FHOD3: variants seen among roughly 807,000 people sequenced by gnomAD.
FHOD3 encodes the protein formin homology 2 domain containing 3.
FHOD3 carries 90 observed loss-of-function variants against 173.0 expected under a neutral mutation model. That is an observed-to-expected ratio of 0.52 (90% CI 0.44 to 0.62). The LOEUF (loss-of-function observed/expected upper bound fraction) is 0.62. FHOD3 is among the 20% of genes least tolerant of loss of function. The pLI is 0.00. For missense variants in FHOD3, 1,945 were observed against 2,034.7 expected, an observed-to-expected ratio of 0.96 and a Z score of 0.85; for synonymous variants, 828 against 823.0, an observed-to-expected ratio of 1.01 and a Z score of -0.10.
chr18:36,490,366 T>C (rs1027810052), intron 3 of FHOD3, among the ~76,000 whole-genome samples: 2 of 151,984 alleles, frequency 1.3e-5, no homozygotes, highest in African/African-American at 4.8e-5. Context: ...GAGGGAAAAA[T>C]AGTGTCCTAT....
chr18:36,601,767 A>T (rs1417303078), intron 7 of FHOD3, among the ~76,000 whole-genome samples: 1 of 152,254 alleles, frequency 6.6e-6, no homozygotes, highest in Non-Finnish European at 1.5e-5. Context: ...AGCCAAGAGC[A>T]AGGCAATTCT....
rs371913817 is a variant in FHOD3, at chr18:36,468,892, C to T, written c.338-33040C>T. On this transcript the variant is annotated intron_variant, in intron 3 of 28. Coordinates refer to ENST00000590592, the MANE Select transcript of FHOD3 (RefSeq NM_001281740.3). ...AATCCCACCGACAGACACTGAGAAC[C>T]TTTGAGGCGGCAGGTCTGGAAAATA... Among the ~76,000 whole-genome samples, 34 of 152,254 alleles carry T rather than the reference C, an allele frequency of 2.2e-4. No homozygotes were observed. In the South Asian group the frequency reaches 6.6e-3, roughly 30 times the overall value.
At chr18:36,611,903 A>C (rs780237529) in intron 8 of FHOD3, 49 bp from the exon 9 acceptor site, 1 of 1,567,638 alleles carries the variant, frequency 6.4e-7, no homozygotes, top group Admixed American at 1.9e-5. Flanking sequence ...TGAGAGCCTC[A>C]AGGCAGTCTT....
At chr18:36,303,144 C>T (rs968553068) in intron 1 of FHOD3, among the ~76,000 whole-genome samples, 2 of 152,182 alleles carry the variant, frequency 1.3e-5, no homozygotes, top group African/African-American at 4.8e-5. Flanking sequence ...TATTTATCCT[C>T]ACAACAACTC....
At chr18:36,775,725 C>T (rs1242921158) in intron 28 of FHOD3, among the ~76,000 whole-genome samples, 1 of 152,098 alleles carries the variant, frequency 6.6e-6, no homozygotes. Context: ...TTTCCTGAGT[C>T]CCCAGACAGT....
chr18:36,615,331 T>C (rs2033099470), intron 9 of FHOD3, among the ~76,000 whole-genome samples: 1 of 152,124 alleles, frequency 6.6e-6, no homozygotes, highest in Non-Finnish European at 1.5e-5. Flanking sequence ...TTTCCACTTA[T>C]AAAGATAATA....
chr18:36,512,583 A>G (rs920439829), intron 5 of FHOD3, 40 bp downstream of exon 5: 1 of 1,429,724 alleles, frequency 7.0e-7, no homozygotes, highest in Admixed American at 1.7e-5. Flanking sequence ...CCCCAGCTGC[A>G]GGGGGGATCT....
chr18:36,657,933 AGGTAGAATTACCACTAACAGT>A (rs1249381942), intron 13 of FHOD3, 121 bp from the exon 14 acceptor site: 1 of 585,088 alleles, frequency 1.7e-6, no homozygotes, highest in Non-Finnish European at 2.9e-6. Context: ...AAACCTCTTT[AGGTAGAATTACCACTAACAGT>A]GGTAGCATTT....
intron 3 of FHOD3, among the ~76,000 whole-genome samples, chr18:36,464,368 T>C (rs2052776783): frequency 6.6e-6 from 1 of 152,214 alleles, no homozygotes; most frequent in Non-Finnish European, 1.5e-5. Context: ...CAGAAAATGC[T>C]TACTGCTATT....
chr18:36,615,119 G>A (rs927075604), intron 9 of FHOD3, among the ~76,000 whole-genome samples: 12 of 151,998 alleles, frequency 7.9e-5, no homozygotes, highest in African/African-American at 2.7e-4. Context: ...CAAAGTGTTG[G>A]GATTAAGGGC....
chr18:36,538,601 A>G (rs1317240063), intron 5 of FHOD3, among the ~76,000 whole-genome samples: 1 of 152,234 alleles, frequency 6.6e-6, no homozygotes, highest in Admixed American at 6.5e-5. Flanking sequence ...GTTAGACTGC[A>G]GTACATCCAT....
Position 36,502,015 on chromosome 18 carries a change from A to T in FHOD3, c.405+16A>T, listed in dbSNP as rs772480009. 8.3e-6 allele frequency: 13 copies of T among 1,562,088 alleles called. No homozygotes were observed. Among genetic ancestry groups the T allele is most frequent in the African/African-American group, 6.8e-5 (5 of 73,520 alleles). On this transcript the variant is annotated intron_variant, in intron 4 of 28. Transcript: ENST00000590592. ...GATATTTCAGGTAAATAGGAAAAAA[A>T]TAAGTACTTACCTGTTTTTACATTG...
intron 11 of FHOD3, among the ~76,000 whole-genome samples, chr18:36,649,802 C>A (rs959347607): frequency 2.6e-5 from 4 of 152,168 alleles, no homozygotes; most frequent in Admixed American, 6.5e-5. Flanking sequence ...CCTGATTTTA[C>A]CAGCACAATA....
chr18:36,372,752 A>G lies in FHOD3; in HGVS notation c.337+8A>G, dbSNP rs1336242533. 4 of 1,612,828 alleles carry G rather than the reference A, an allele frequency of 2.5e-6. No homozygotes were observed. The highest frequency in any genetic ancestry group is 3.4e-6 in the Non-Finnish European group (4 of 1,179,086). On this transcript the variant is annotated splice_region_variant and intron_variant, in intron 3 of 28. Coordinates refer to ENST00000590592, the MANE Select transcript of FHOD3 (RefSeq NM_001281740.3). ...GGGTCCATGCCTGCATCGGTGAGTG[A>G]CACCTGCCCTCAGGAACTAAACATA...
At chr18:36,544,679 A>G (rs1203315336) in intron 5 of FHOD3, 1 of 152,372 alleles carries the variant, frequency 6.6e-6, no homozygotes, top group Non-Finnish European at 1.5e-5. Flanking sequence ...AGGAAAACAT[A>G]CAAACCAGGT....
chr18:36,427,867 T>C (rs2050332433), intron 3 of FHOD3, among the ~76,000 whole-genome samples: 1 of 152,246 alleles, frequency 6.6e-6, no homozygotes, highest in South Asian at 2.1e-4. Flanking sequence ...TGTCACTGGA[T>C]GTATTTTTTA....
Position 36,504,326 on chromosome 18 carries a change from A to G in FHOD3, c.405+2327A>G, listed in dbSNP as rs922431596. Among the ~76,000 whole-genome samples the G allele has an allele frequency of 2.6e-5, 4 of 152,140 alleles. No individual in the cohort carries two copies. In the South Asian group the frequency reaches 8.3e-4, roughly 32 times the overall value. On this transcript the variant is annotated intron_variant, in intron 4 of 28. Transcript: ENST00000590592. ...CTTCCTGCTAGGGATGCCCTCTCAG[A>G]ATGATCACTCACCCTAATTAGGGTC...
chr18:36,436,580 G>A (rs999091032), intron 3 of FHOD3, among the ~76,000 whole-genome samples: 7 of 152,148 alleles, frequency 4.6e-5, no homozygotes, highest in South Asian at 2.1e-4. Flanking sequence ...GATTTGTGAC[G>A]TAATGATCTT....
intron 3 of FHOD3, among the ~76,000 whole-genome samples, chr18:36,384,604 A>G (rs945765777): frequency 2.6e-5 from 4 of 151,766 alleles, no homozygotes; most frequent in African/African-American, 7.3e-5. Flanking sequence ...GAAATATTTC[A>G]TTGGTGTTAG....
Sources: gnomAD v4.1 joint callset for allele counts (sites outside exome capture counted in the v4.1 genomes callset) on GRCh38, gnomAD v4.1.1 for gene constraint, MANE v1.5 for transcripts, NCBI Gene and HGNC (gene_info 2026-07-23, HGNC 2026-07-21) for gene names.